The following ACYP2 variants were observed in gnomAD, a reference collection of about 807,000 sequenced individuals.
ACYP2 encodes acylphosphatase 2, also known as acylphosphatase-2.
In ACYP2, 12 loss-of-function variants were observed where a neutral mutation model predicts 11.2. The observed-to-expected ratio is 1.08, with a 90% confidence interval of 0.69 to 1.74. The LOEUF (loss-of-function observed/expected upper bound fraction) is 1.74. Among genes scored for constraint, ACYP2 ranks in the 40% most tolerant of loss-of-function variants. ACYP2 has a pLI of 0.00. For missense variants in ACYP2, 134 were observed against 101.9 expected, an observed-to-expected ratio of 1.31 and a Z score of -1.35; for synonymous variants, 43 against 32.2, an observed-to-expected ratio of 1.33 and a Z score of -1.13.
chr2:54,031,860 A>G (rs1371990026), intron 2 of ACYP2, among the ~76,000 whole-genome samples: 1 of 152,140 alleles, frequency 6.6e-6, no homozygotes, highest in Non-Finnish European at 1.5e-5. Context: ...TTTGATTTGC[A>G]TTTATCTGAT....
chr2:54,220,289 G>A (rs942603412), intron 6 of ACYP2, among the ~76,000 whole-genome samples: 4 of 151,818 alleles, frequency 2.6e-5, no homozygotes, highest in Non-Finnish European at 5.9e-5. Flanking sequence ...TTCTTAATTA[G>A]CTTGCACTAA....
chr2:54,035,265 CTTT>C (rs895749612), intron 2 of ACYP2, among the ~76,000 whole-genome samples: 9 of 126,010 alleles, frequency 7.1e-5, no homozygotes, highest in Admixed American at 8.3e-5. Context: ...TTTTCTTTTT[CTTT>C]TTTTTTTTTT....
intron 6 of ACYP2, among the ~76,000 whole-genome samples, chr2:54,195,554 G>A (rs967551350): frequency 6.6e-6 from 1 of 151,382 alleles, no homozygotes; most frequent in Non-Finnish European, 1.5e-5. Flanking sequence ...CATCCTCCAG[G>A]GCACCTCATG....
intron 1 of ACYP2, among the ~76,000 whole-genome samples, chr2:53,972,986 G>C (rs1361126893): frequency 6.6e-6 from 1 of 152,038 alleles, no homozygotes; most frequent in Admixed American, 6.6e-5. Context: ...GAAAAAATAG[G>C]GCCCTTCACA....
At chr2:54,147,921 T>C (rs540367545) in intron 6 of ACYP2, among the ~76,000 whole-genome samples, 1 of 152,298 alleles carries the variant, frequency 6.6e-6, no homozygotes, top group South Asian at 2.1e-4. Flanking sequence ...AACAGAAAAC[T>C]GGACTTAAAA....
chr2:54,141,160 T>A (rs1251421940), intron 6 of ACYP2, among the ~76,000 whole-genome samples: 1 of 152,256 alleles, frequency 6.6e-6, no homozygotes, highest in Non-Finnish European at 1.5e-5. Context: ...CTCTTGCCAA[T>A]TTTTAAAAGC....
At position 54,304,729 on chromosome 2, in the gene ACYP2, T is replaced by A. The variant is rs763975336; in HGVS notation, c.446T>A (p.Ile149Asn). ...AAGGTTGGAAGCCCTAGTTCTCGCA[T>A]TGACCGCACAAACTTTTCTAATGAA... The change falls in exon 7 of 7, where the codon ATT becomes AAT. Residue 149 changes from isoleucine to asparagine, a missense_variant. Physicochemically the swap from Ile to Asn is moderately radical, Grantham distance 149. Transcript: ENST00000607452. The A allele has an allele frequency of 1.9e-6, 3 of 1,612,474 alleles. No homozygotes were observed. Among genetic ancestry groups the A allele is most frequent in the East Asian group, 2.2e-5 (1 of 44,846 alleles).
At chr2:54,197,925 T>G (rs1411079201) in intron 6 of ACYP2, among the ~76,000 whole-genome samples, 14 of 127,720 alleles carry the variant, frequency 1.1e-4, no homozygotes, top group South Asian at 9.9e-4. Flanking sequence ...TTATTTTATT[T>G]TATTTATGTA....
intron 6 of ACYP2, among the ~76,000 whole-genome samples, chr2:54,261,488 C>T (rs1687774432): frequency 6.6e-6 from 1 of 152,120 alleles, no homozygotes; most frequent in Non-Finnish European, 1.5e-5. Flanking sequence ...CTAATCTGCA[C>T]ATCACAGAAT....
chr2:53,982,146 A>AC (rs990566247), intron 2 of ACYP2, among the ~76,000 whole-genome samples: 23 of 151,920 alleles, frequency 1.5e-4, no homozygotes, highest in Admixed American at 6.6e-5. Flanking sequence ...CTTTCCACCT[A>AC]CCCCCCAGTT....
At chr2:54,025,409 A>C (rs997932576) in intron 2 of ACYP2, among the ~76,000 whole-genome samples, 1 of 152,186 alleles carries the variant, frequency 6.6e-6, no homozygotes. Context: ...CAGAATAGAG[A>C]ACCTAGAAAG....
intron 6 of ACYP2, among the ~76,000 whole-genome samples, chr2:54,185,911 T>C (rs2103877556): frequency 6.6e-6 from 1 of 152,038 alleles, no homozygotes; most frequent in East Asian, 1.9e-4. Context: ...AGGAATACTA[T>C]AAGCAAAAGG....
chr2:54,154,923 T>C (rs556173148), intron 6 of ACYP2, among the ~76,000 whole-genome samples: 2 of 152,348 alleles, frequency 1.3e-5, no homozygotes, highest in Admixed American at 6.5e-5. Flanking sequence ...GGAAAGTTTG[T>C]ATTATTGATT....
At chr2:54,158,197 G>GTTT (rs5831292) in intron 6 of ACYP2, among the ~76,000 whole-genome samples, 3 of 130,270 alleles carry the variant, frequency 2.3e-5, no homozygotes, top group South Asian at 2.5e-4. Context: ...AGTTAACTTT[G>GTTT]TTTTTTTTTT....
intron 2 of ACYP2, among the ~76,000 whole-genome samples, chr2:54,006,891 G>A (rs1361848962): frequency 5.3e-5 from 8 of 151,960 alleles, no homozygotes; most frequent in South Asian, 2.1e-4. Context: ...TTGGGAGACC[G>A]AGGCGGATGG....
intron 4 of ACYP2, among the ~76,000 whole-genome samples, chr2:54,120,224 C>G (rs1270888112): frequency 6.6e-6 from 1 of 152,168 alleles, no homozygotes; most frequent in African/African-American, 2.4e-5. Context: ...CAAGGAGCTC[C>G]ACGTTTTTTC....
chr2:54,042,765 G>A (rs960818706), intron 2 of ACYP2, among the ~76,000 whole-genome samples: 1 of 152,180 alleles, frequency 6.6e-6, no homozygotes, highest in African/African-American at 2.4e-5. Flanking sequence ...AGAGGCAAAT[G>A]TTACCATCTG....
chr2:54,208,916 AT>A (rs1385485917), intron 6 of ACYP2, among the ~76,000 whole-genome samples: 1 of 151,902 alleles, frequency 6.6e-6, no homozygotes, highest in East Asian at 1.9e-4. Context: ...TAGAAAGTTT[AT>A]TGGATTTTAC....
intron 6 of ACYP2, among the ~76,000 whole-genome samples, chr2:54,208,970 C>T (rs565385243): frequency 2.7e-4 from 40 of 147,782 alleles, no homozygotes; most frequent in Non-Finnish European, 4.8e-4. Flanking sequence ...ATGACAAAAA[C>T]AATTCTTTGC....
Sources: gnomAD v4.1 joint callset for allele counts (sites outside exome capture counted in the v4.1 genomes callset) on GRCh38, gnomAD v4.1.1 for gene constraint, MANE v1.5 for transcripts, NCBI Gene and HGNC (gene_info 2026-07-23, HGNC 2026-07-21) for gene names.